Variants in FHIT observed in about 807,000 individuals in gnomAD.
The protein encoded by FHIT is fragile histidine triad diadenosine triphosphatase, also known as bis(5'-adenosyl)-triphosphatase.
A neutral mutation model predicts 17.9 loss-of-function variants in FHIT; 19 were observed. The ratio of observed to expected loss-of-function variants is 1.06; its 90% CI spans 0.74 to 1.56. The LOEUF is 1.56. FHIT is among the 40% of genes most tolerant of loss of function. FHIT has a pLI of 0.00. For synonymous variants in FHIT, 81 were observed against 69.7 expected (o/e 1.16, Z -0.81); for missense variants, 248 against 189.2 (o/e 1.31, Z -1.82).
At chr3:61,063,588 G>A (rs2034502744) in intron 2 of FHIT, among the ~76,000 whole-genome samples, 1 of 152,118 alleles carries the variant, frequency 6.6e-6, no homozygotes, top group South Asian at 2.1e-4. Context: ...GTTTCATAAT[G>A]TCTGCATGTC....
At chr3:60,802,227 C>T (rs529195345) in intron 4 of FHIT, among the ~76,000 whole-genome samples, 1 of 152,298 alleles carries the variant, frequency 6.6e-6, no homozygotes, top group African/African-American at 2.4e-5. Context: ...TTTATGCTTT[C>T]ATGGTAAAAA....
At chr3:59,899,525 TG>T (rs1704228299) in intron 8 of FHIT, among the ~76,000 whole-genome samples, 2 of 152,064 alleles carry the variant, frequency 1.3e-5, no homozygotes, top group African/African-American at 2.4e-5. Context: ...TGCAAGTCAA[TG>T]GAAGGTTTAA....
At chr3:60,543,796 G>A (rs1036696500) in intron 4 of FHIT, among the ~76,000 whole-genome samples, 1 of 151,906 alleles carries the variant, frequency 6.6e-6, no homozygotes, top group Non-Finnish European at 1.5e-5. Context: ...CCAGGCTGGA[G>A]TGCAGCGGCG....
At chr3:61,147,364 C>G (rs2037255892) in intron 2 of FHIT, among the ~76,000 whole-genome samples, 2 of 152,004 alleles carry the variant, frequency 1.3e-5, no homozygotes, top group African/African-American at 2.4e-5. Context: ...TTGTTTTAGA[C>G]TACACGTTTT....
intron 4 of FHIT, among the ~76,000 whole-genome samples, chr3:60,693,977 A>G (rs782753858): frequency 1.8e-4 from 28 of 152,228 alleles, no homozygotes; most frequent in Non-Finnish European, 3.1e-4. Context: ...AACTGGATGA[A>G]GACTTTTTAT....
intron 3 of FHIT, among the ~76,000 whole-genome samples, chr3:60,822,468 T>C (rs970064613): frequency 1.3e-5 from 2 of 152,156 alleles, no homozygotes; most frequent in African/African-American, 2.4e-5. Flanking sequence ...GCCAGTTTAC[T>C]CACTTTCCCT....
intron 5 of FHIT, among the ~76,000 whole-genome samples, chr3:60,413,305 C>A (rs1702131218): frequency 6.6e-6 from 1 of 152,024 alleles, no homozygotes; most frequent in African/African-American, 2.4e-5. Flanking sequence ...AGGTGTTGAA[C>A]AGAGGACTAG....
chr3:60,277,704 T>G (rs1225388105), intron 5 of FHIT, among the ~76,000 whole-genome samples: 17 of 152,272 alleles, frequency 1.1e-4, no homozygotes, highest in African/African-American at 4.1e-4. Flanking sequence ...TGCCACAGGC[T>G]GGAAGTCTCA....
At chr3:60,882,434 A>G (rs1219484850) in intron 3 of FHIT, among the ~76,000 whole-genome samples, 3 of 152,118 alleles carry the variant, frequency 2.0e-5, no homozygotes, top group Non-Finnish European at 2.9e-5. Flanking sequence ...AAAAAGGCCA[A>G]AATCCCTGAT....
intron 3 of FHIT, among the ~76,000 whole-genome samples, chr3:60,927,197 C>T (rs939818888): frequency 2.2e-4 from 33 of 152,258 alleles, no homozygotes; most frequent in Admixed American, 2.0e-3. Flanking sequence ...GACGGGGTTT[C>T]GCCGTGTTGG....
At chr3:60,272,154 C>T (rs1043407430) in intron 5 of FHIT, among the ~76,000 whole-genome samples, 55 of 152,150 alleles carry the variant, frequency 3.6e-4, no homozygotes, top group African/African-American at 1.2e-3. Context: ...TCATGCTCTG[C>T]GGGACACAAA....
intron 4 of FHIT, among the ~76,000 whole-genome samples, chr3:60,690,985 GCTAA>G (rs1369951777): frequency 5.3e-5 from 8 of 152,156 alleles, no homozygotes; most frequent in African/African-American, 1.9e-4. Context: ...CCTTTATAAG[GCTAA>G]CTGTTTTGTT....
At chr3:60,388,133 A>T (rs1263658277) in intron 5 of FHIT, among the ~76,000 whole-genome samples, 1 of 152,134 alleles carries the variant, frequency 6.6e-6, no homozygotes, top group African/African-American at 2.4e-5. Context: ...CTTTCTTATA[A>T]ATTACCTAGT....
chr3:60,361,831 T>C (rs1468083531), intron 5 of FHIT, among the ~76,000 whole-genome samples: 4 of 152,168 alleles, frequency 2.6e-5, no homozygotes, highest in Non-Finnish European at 4.4e-5. Flanking sequence ...ATAAATCTTT[T>C]TGAGGGAAGT....
chr3:60,313,784 A>C (rs1039087885), intron 5 of FHIT, among the ~76,000 whole-genome samples: 3 of 152,200 alleles, frequency 2.0e-5, no homozygotes, highest in Non-Finnish European at 2.9e-5. Flanking sequence ...AGATCTTTCT[A>C]ATCTTGACTC....
At chr3:60,057,489 TACA>T (rs1163637924) in intron 5 of FHIT, among the ~76,000 whole-genome samples, 6 of 152,172 alleles carry the variant, frequency 3.9e-5, no homozygotes, top group Non-Finnish European at 5.9e-5. Context: ...TCTGACACGT[TACA>T]ACATGAATGA....
chr3:60,519,633 G>T (rs1259867958), intron 5 of FHIT, among the ~76,000 whole-genome samples: 1 of 151,982 alleles, frequency 6.6e-6, no homozygotes, highest in Admixed American at 6.6e-5. Flanking sequence ...GACATTTACA[G>T]TATTATACTA....
intron 8 of FHIT, among the ~76,000 whole-genome samples, chr3:59,813,730 AG>A (rs1700489234): frequency 6.6e-6 from 1 of 152,178 alleles, no homozygotes; most frequent in Admixed American, 6.5e-5. Flanking sequence ...CCCCACCAAA[AG>A]GTCAGGGACC....
rs193267597 is a variant in FHIT at position 60,844,051 on chromosome 3, A to G, written c.-110-22040T>C. On this transcript the variant is annotated intron_variant, in intron 3 of 9. Transcript: ENST00000492590. ...ACTGATTTCAAAATAGGGCAAGAGCACTTATGATTTAATATAATTTTGTTG... is the reference window on the plus strand; with the variant it reads ...ACTGATTTCAAAATAGGGCAAGAGCGCTTATGATTTAATATAATTTTGTTG... Among the ~76,000 whole-genome samples, 8 of 152,270 alleles carry G rather than the reference A, an allele frequency of 5.3e-5. 1 individual carries two copies. Among genetic ancestry groups the G allele is most frequent in the Admixed American group, 2.6e-4 (4 of 15,286 alleles).
Sources: gnomAD v4.1 joint callset for allele counts (sites outside exome capture counted in the v4.1 genomes callset) on GRCh38, gnomAD v4.1.1 for gene constraint, MANE v1.5 for transcripts, NCBI Gene and HGNC (gene_info 2026-07-23, HGNC 2026-07-21) for gene names.